The following TNRC6A variants were observed in gnomAD, a reference collection of about 807,000 sequenced individuals.
The protein encoded by TNRC6A is trinucleotide repeat containing adaptor 6A.
In TNRC6A, 44 loss-of-function variants were observed where a neutral mutation model predicts 221.2. The ratio of observed to expected loss-of-function variants is 0.20; its 90% CI spans 0.16 to 0.26. The LOEUF (loss-of-function observed/expected upper bound fraction) is 0.26. TNRC6A is among the 10% of genes least tolerant of loss of function. The probability of loss-of-function intolerance (pLI) is 1.00; values close to 1 mark genes in which losing one functional copy is unlikely to be tolerated. For synonymous variants in TNRC6A, 847 were observed against 838.5 expected (o/e 1.01, Z -0.18); for missense variants, 2,199 against 2,404.4 (o/e 0.91, Z 1.79).
At chr16:24,653,090 G>C (rs1312536181) in intron 2 of TNRC6A, among the ~76,000 whole-genome samples, 1 of 152,138 alleles carries the variant, frequency 6.6e-6, no homozygotes, top group Non-Finnish European at 1.5e-5. Context: ...CAGGATTATG[G>C]GAACTCTGAA....
At chr16:24,637,186 C>T (rs1188792809) in intron 1 of TNRC6A, among the ~76,000 whole-genome samples, 1 of 152,160 alleles carries the variant, frequency 6.6e-6, no homozygotes, top group African/African-American at 2.4e-5. Context: ...GTGCATACCA[C>T]CATACCTGGC....
At chr16:24,808,879 G>A (rs1180296247) in intron 17 of TNRC6A, among the ~76,000 whole-genome samples, 2 of 152,140 alleles carry the variant, frequency 1.3e-5, no homozygotes, top group African/African-American at 4.8e-5. Flanking sequence ...TGTATCTAAG[G>A]TTGAAATTTC....
intron 20 of TNRC6A, among the ~76,000 whole-genome samples, chr16:24,817,855 G>A (rs1208774491): frequency 6.6e-6 from 1 of 152,298 alleles, no homozygotes; most frequent in South Asian, 2.1e-4. Context: ...ACTAAGCCAA[G>A]CATAAATTCT....
chr16:24,806,957 G>A (rs1206518756), intron 17 of TNRC6A, among the ~76,000 whole-genome samples, 173 bp downstream of exon 17: 1 of 151,768 alleles, frequency 6.6e-6, no homozygotes, highest in African/African-American at 2.4e-5. Flanking sequence ...TCCACATTCA[G>A]GGAAGGTCTC....
intron 1 of TNRC6A, among the ~76,000 whole-genome samples, chr16:24,617,622 T>C (rs1044517373): frequency 4.7e-4 from 71 of 152,174 alleles, no homozygotes; most frequent in African/African-American, 1.7e-3. Context: ...GTAATCCTCA[T>C]AACAACCCCA....
intron 1 of TNRC6A, among the ~76,000 whole-genome samples, chr16:24,619,766 C>T (rs1241668491): frequency 6.6e-6 from 1 of 152,076 alleles, no homozygotes; most frequent in Non-Finnish European, 1.5e-5. Context: ...GAGGAAAGGT[C>T]AGTTGTACAG....
chr16:24,764,715 T>C (rs954254839), intron 4 of TNRC6A, among the ~76,000 whole-genome samples: 10 of 152,194 alleles, frequency 6.6e-5, no homozygotes, highest in African/African-American at 1.9e-4. Flanking sequence ...AGTACAGGTA[T>C]TTCTACATGG....
At chr16:24,649,393 C>G (rs567419722) in intron 2 of TNRC6A, among the ~76,000 whole-genome samples, 1 of 152,052 alleles carries the variant, frequency 6.6e-6, no homozygotes, top group African/African-American at 2.4e-5. Context: ...ACTGAAACCT[C>G]GAACTCCTGG....
intron 11 of TNRC6A, among the ~76,000 whole-genome samples, chr16:24,800,932 G>T (rs539959285): frequency 6.6e-6 from 1 of 152,204 alleles, no homozygotes; most frequent in East Asian, 1.9e-4. Flanking sequence ...AGTACCAGCT[G>T]GCTAAGGAAA....
In TNRC6A at chr16:24,794,618, G is replaced by C. The variant is rs775962414; in HGVS notation, c.3427G>C (p.Glu1143Gln). 43 of 1,614,018 alleles carry C rather than the reference G, an allele frequency of 2.7e-5. No homozygotes were observed. Among genetic ancestry groups the C allele is most frequent in the Non-Finnish European group, 3.6e-5 (43 of 1,179,972 alleles). ...LPGNRPTGWE[E>Q]EEDVEIGMWN... ...TGGAAATCGCCCCACTGGCTGGGAA[G>C]AGGAAGAGGATGTGGAGATTGGAAT... Residue 1143 changes from glutamate to glutamine, a missense_variant, in exon 8 of 25, where the codon GAG (glutamate) becomes CAG (glutamine). Physicochemically the swap from Glu to Gln is conservative, Grantham distance 29. Transcript: ENST00000395799.
intron 12 of TNRC6A, 174 bp from the exon 13 acceptor site, chr16:24,804,531 G>A: frequency 8.7e-7 from 1 of 1,156,008 alleles, no homozygotes; most frequent in South Asian, 1.7e-5. Flanking sequence ...CATGAAATAT[G>A]TTTGGCTCTT....
intron 5 of TNRC6A, among the ~76,000 whole-genome samples, chr16:24,782,775 G>A (rs1288436060): frequency 1.3e-5 from 2 of 152,042 alleles, no homozygotes; most frequent in Non-Finnish European, 1.5e-5. Context: ...CCAGCTACTC[G>A]GGAGGCTGAG....
intron 2 of TNRC6A, among the ~76,000 whole-genome samples, chr16:24,689,506 TG>T (rs1381135777): frequency 2.0e-5 from 3 of 152,362 alleles, no homozygotes; most frequent in Non-Finnish European, 4.4e-5. Context: ...GACCACATGA[TG>T]GGCCTGGAGA....
chr16:24,703,905 G>A (rs574992765), intron 2 of TNRC6A, among the ~76,000 whole-genome samples: 12 of 151,774 alleles, frequency 7.9e-5, no homozygotes, highest in African/African-American at 2.7e-4. Context: ...GCAACATGGC[G>A]AAACCCCACC....
intron 4 of TNRC6A, among the ~76,000 whole-genome samples, chr16:24,763,699 G>A (rs1194663059): frequency 2.0e-5 from 3 of 152,028 alleles, no homozygotes; most frequent in South Asian, 2.1e-4. Context: ...CAATGTTATG[G>A]TCACTGGTAA....
intron 9 of TNRC6A, 95 bp from the exon 10 acceptor site, chr16:24,797,395 G>A: frequency 2.4e-6 from 2 of 838,670 alleles, no homozygotes; most frequent in Non-Finnish European, 3.7e-6. Context: ...CTAAAAATGA[G>A]AATTGGGGAT....
chr16:24,713,455 A>AATAT (rs60244906), intron 2 of TNRC6A, among the ~76,000 whole-genome samples: 3 of 91,938 alleles, frequency 3.3e-5, no homozygotes, highest in Non-Finnish European at 7.9e-5. Flanking sequence ...CAAACAAAAA[A>AATAT]ATATATATAT....
intron 2 of TNRC6A, among the ~76,000 whole-genome samples, chr16:24,712,917 G>GTGTGTGTA (rs2056233847): frequency 2.0e-5 from 1 of 49,960 alleles, no homozygotes; most frequent in African/African-American, 4.6e-5. Flanking sequence ...CTGTGTGTGT[G>GTGTGTGTA]TGTGTGTGTG....
chr16:24,812,570 C>G (rs1036616557), intron 18 of TNRC6A, among the ~76,000 whole-genome samples: 1 of 152,112 alleles, frequency 6.6e-6, no homozygotes. Context: ...TGTACCTTTC[C>G]TGTTTAGCTA....
Sources: gnomAD v4.1 joint callset for allele counts (sites outside exome capture counted in the v4.1 genomes callset) on GRCh38, gnomAD v4.1.1 for gene constraint, MANE v1.5 for transcripts, NCBI Gene and HGNC (gene_info 2026-07-23, HGNC 2026-07-21) for gene names.